MAF: variants seen among roughly 807,000 people sequenced by gnomAD.
MAF encodes MAF bZIP transcription factor, also known as transcription factor Maf.
In MAF, 10 loss-of-function variants were observed where a neutral mutation model predicts 22.0. That is an observed-to-expected ratio of 0.45 (90% CI 0.28 to 0.77). The LOEUF (loss-of-function observed/expected upper bound fraction) is 0.77. Ranked by LOEUF, MAF falls within the 30% of genes least tolerant of loss-of-function variation. MAF has a pLI of 0.12. For missense variants in MAF, 544 were observed against 548.4 expected (o/e 0.99, Z 0.08); for synonymous variants, 337 against 255.8 (o/e 1.32, Z -3.03).
the MAF span, among the ~76,000 whole-genome samples, chr16:79,475,829 T>C: frequency 6.6e-6 from 1 of 152,172 alleles, no homozygotes; most frequent in African/African-American, 2.4e-5. Flanking sequence ...GTTACACTTG[T>C]TGCAGGCAGA....
the MAF span, among the ~76,000 whole-genome samples, chr16:79,256,230 C>T: frequency 6.6e-5 from 10 of 151,820 alleles, no homozygotes; most frequent in East Asian, 1.9e-4. Context: ...CCTCGTGATC[C>T]GCCTGCCTCG....
At chr16:79,206,091 G>A in the MAF span, 6 of 152,204 alleles carry the variant, frequency 3.9e-5, no homozygotes, top group Non-Finnish European at 8.8e-5. Flanking sequence ...CATCCAAATG[G>A]ATATCATTTC....
the MAF span, among the ~76,000 whole-genome samples, chr16:79,343,717 T>C: frequency 1.4e-4 from 22 of 152,180 alleles, no homozygotes; most frequent in African/African-American, 5.1e-4. Context: ...GGATTATGTC[T>C]CTCTTTGGAT....
At chr16:79,238,326 G>T in the MAF span, among the ~76,000 whole-genome samples, 10,963 of 152,106 alleles carry the variant, frequency 0.072, 582 homozygotes, top group Middle Eastern at 0.15. Context: ...CCTGGCTCTT[G>T]GAAGCAGGTA....
In MAF at chr16:79,599,090, C is replaced by G. The variant is rs750705025; in HGVS notation, c.813G>C (p.Val271=). The G allele has an allele frequency of 1.2e-6, 2 of 1,608,650 alleles. No homozygotes were observed. Among genetic ancestry groups the G allele is most frequent in the Admixed American group, 3.3e-5 (2 of 59,928 alleles). The change falls in exon 1 of 2, where the codon GTG becomes GTC. Residue 271 remains valine (V), a synonymous_variant. Transcript: ENST00000326043. ...CGCGCAGCTGCCGGTTCAGCTCGCG[C>G]ACAGACATGGTCACCAGCTGCTCGT... ...FSDEQLVTMS[V]RELNRQLRGV... is the part of the protein sequence containing the mutation.
At chr16:79,518,336 CCTT>C in the MAF span, among the ~76,000 whole-genome samples, 1 of 152,190 alleles carries the variant, frequency 6.6e-6, no homozygotes, top group East Asian at 1.9e-4. Context: ...ATTTTGGTGT[CCTT>C]CTCTGGGCAT....
chr16:79,235,877 A>G, the MAF span, among the ~76,000 whole-genome samples: 2 of 152,058 alleles, frequency 1.3e-5, no homozygotes, highest in Admixed American at 6.6e-5. Context: ...TTCAGAAGCA[A>G]GAGGAAGAGC....
chr16:79,531,532 C>T, the MAF span, among the ~76,000 whole-genome samples: 1 of 152,194 alleles, frequency 6.6e-6, no homozygotes, highest in East Asian at 1.9e-4. Flanking sequence ...AGCTTGTTTT[C>T]TTGCCACCAG....
the MAF span, among the ~76,000 whole-genome samples, chr16:79,517,936 G>A: frequency 6.6e-6 from 1 of 152,136 alleles, no homozygotes; most frequent in African/African-American, 2.4e-5. Context: ...TGGACCAAGG[G>A]CAGGGTCTTT....
At chr16:79,501,053 G>C in the MAF span, among the ~76,000 whole-genome samples, 1 of 152,144 alleles carries the variant, frequency 6.6e-6, no homozygotes, top group Non-Finnish European at 1.5e-5. Flanking sequence ...TCCTGTAACA[G>C]GTGGGTTACA....
the MAF span, among the ~76,000 whole-genome samples, chr16:79,394,457 T>A: frequency 6.6e-6 from 1 of 152,194 alleles, no homozygotes; most frequent in East Asian, 1.9e-4. Flanking sequence ...ATGCATCTTT[T>A]ACTGCCTGCA....
the MAF span, among the ~76,000 whole-genome samples, chr16:79,441,980 C>T: frequency 6.6e-6 from 1 of 152,166 alleles, no homozygotes; most frequent in East Asian, 1.9e-4. Flanking sequence ...AGGCTATAGG[C>T]AGGGCTTGGA....
At chr16:79,475,362 A>ATATGTGTGTGTG in the MAF span, among the ~76,000 whole-genome samples, 1 of 148,732 alleles carries the variant, frequency 6.7e-6, no homozygotes, top group Non-Finnish European at 1.5e-5. Flanking sequence ...ATGTATATAT[A>ATATGTGTGTGTG]TGTGTGTGTG....
At chr16:79,296,087 A>T in the MAF span, among the ~76,000 whole-genome samples, 1 of 152,250 alleles carries the variant, frequency 6.6e-6, no homozygotes, top group Admixed American at 6.5e-5. Flanking sequence ...TCGAAAGCTG[A>T]TTCCAGCATC....
the MAF span, among the ~76,000 whole-genome samples, chr16:79,352,340 G>T: frequency 6.6e-6 from 1 of 152,144 alleles, no homozygotes; most frequent in Non-Finnish European, 1.5e-5. Flanking sequence ...GTGCTCTGGG[G>T]CACTTGGGTC....
the MAF span, among the ~76,000 whole-genome samples, chr16:79,359,545 G>C: frequency 4.1e-4 from 63 of 152,212 alleles, no homozygotes; most frequent in Non-Finnish European, 5.3e-4. Flanking sequence ...GGGTTATGCT[G>C]AGGGACAAAG....
chr16:79,571,239 C>T, the MAF span, among the ~76,000 whole-genome samples: 11 of 152,008 alleles, frequency 7.2e-5, no homozygotes, highest in East Asian at 3.9e-4. Context: ...GGGGGATGAG[C>T]GGGAGGGAGG....
At chr16:79,298,104 C>G in the MAF span, among the ~76,000 whole-genome samples, 1 of 152,216 alleles carries the variant, frequency 6.6e-6, no homozygotes, top group Non-Finnish European at 1.5e-5. Context: ...TACCAAGGGC[C>G]GGGTGCCACT....
At chr16:79,533,381 G>A in the MAF span, among the ~76,000 whole-genome samples, 8 of 152,172 alleles carry the variant, frequency 5.3e-5, no homozygotes, top group African/African-American at 1.9e-4. Flanking sequence ...AAAATAGAAA[G>A]GTAAATTCTT....
Sources: gnomAD v4.1 joint callset for allele counts (sites outside exome capture counted in the v4.1 genomes callset) on GRCh38, gnomAD v4.1.1 for gene constraint, MANE v1.5 for transcripts, NCBI Gene and HGNC (gene_info 2026-07-23, HGNC 2026-07-21) for gene names.